The following PEX11B variants were observed in gnomAD, a reference collection of about 807,000 sequenced individuals.
PEX11B encodes peroxisomal biogenesis factor 11 beta, also known as peroxisomal membrane protein 11B.
PEX11B carries 18 observed loss-of-function variants against 28.2 expected under a neutral mutation model. That is an observed-to-expected ratio of 0.64 (90% CI 0.44 to 0.95). The LOEUF is 0.95. PEX11B is among the 40% of genes least tolerant of loss of function. The pLI is 0.00. For missense variants in PEX11B, 305 were observed against 319.8 expected (o/e 0.95, Z 0.35); for synonymous variants, 128 against 128.7 (o/e 0.99, Z 0.04).
chr1:145,918,364 G>C (rs587691055), intron 1 of PEX11B: 1 of 1,531,542 alleles, frequency 6.5e-7, no homozygotes. Context: ...TCACCGCCCA[G>C]TGAGGACACT....
intron 1 of PEX11B, chr1:145,918,329 C>G (rs1647529150): frequency 4.0e-6 from 6 of 1,508,924 alleles, no homozygotes; most frequent in Non-Finnish European, 5.3e-6. Context: ...GGCTATCCAC[C>G]GTGGGGCGAA....
rs1054011259 is a variant in PEX11B at position 145,918,480 on chromosome 1, C to A, written c.56+153G>T. 22 of 1,536,792 alleles carry A rather than the reference C, an allele frequency of 1.4e-5. No individual in the cohort carries two copies. The East Asian group carries it at 3.7e-4, about 26-fold the overall frequency. ...GAACGGAAAGGAATCATCTCAACAG[C>A]GGCTCAAATCTGCGCCTCACGGTCC... On this transcript the variant is annotated intron_variant, in intron 1 of 3. Coordinates refer to ENST00000369306, the MANE Select transcript of PEX11B (RefSeq NM_003846.3).
Position 145,918,642 on chromosome 1 carries a change from C to T in PEX11B, c.47G>A (p.Arg16Gln), listed in dbSNP as rs782790137. 8 of 1,595,926 alleles carry T rather than the reference C, an allele frequency of 5.0e-6. 2 individuals carry two copies. In the South Asian group the frequency reaches 9.1e-5, roughly 18 times the overall value. Reference sequence around the variant, plus strand: ...CCTATTCGGGCCGCACCTACACAGCCGCTCCCGGGCTTGGCTCTGAGCACT... The same window carrying T: ...CCTATTCGGGCCGCACCTACACAGCTGCTCCCGGGCTTGGCTCTGAGCACT... The part of the protein sequence containing the change: ...RFSAQSQARE[R>Q]LCRAAQYACS... The change falls in exon 1 of 4, where the codon CGG becomes CAG. Residue 16 changes from arginine (R) to glutamine (Q), a missense_variant. Transcript: ENST00000369306.
Position 145,918,616 on chromosome 1 carries a change from T to G in PEX11B, c.56+17A>C. ...CATCCCTCCCCCGCCCCACCCCCAT[T>G]CCTATTCGGGCCGCACCTACACAGC... is the stretch of plus-strand genomic sequence containing the variant. On this transcript the variant is annotated intron_variant, in intron 1 of 3. Coordinates refer to ENST00000369306, the MANE Select transcript of PEX11B (RefSeq NM_003846.3). 9.4e-7 allele frequency: 1 copy of G among 1,062,944 alleles called. No homozygotes were observed. The highest frequency in any genetic ancestry group is 1.4e-5 in the South Asian group (1 of 73,278). 65.8% of individuals were successfully genotyped at this position (1,062,944 alleles called of 1,614,324 possible).
rs868969615 is a variant in PEX11B at position 145,912,106 on chromosome 1, G to A, written c.*55C>T. The A allele has an allele frequency of 1.2e-5, 16 of 1,345,494 alleles. No individual in the cohort carries two copies. In the East Asian group the frequency reaches 2.3e-4, roughly 19 times the overall value. The allele number at this position is 1,345,494 out of a possible 1,614,324, so 83.3% of individuals were successfully genotyped here. ...CGAATGAGGCTGGCACATGGGGGAC[G>A]ATCTAAGATTCCATCTCACCAATTC... On this transcript the variant is annotated 3_prime_UTR_variant, in exon 4 of 4. Transcript: ENST00000369306.
In PEX11B at chr1:145,918,710, G is replaced by A. The variant is rs981859171; in HGVS notation, c.-22C>T. 1.9e-6 allele frequency: 3 copies of A among 1,556,670 alleles called. No individual in the cohort carries two copies. The highest frequency in any genetic ancestry group is 2.6e-6 in the Non-Finnish European group (3 of 1,150,744). ...CCATGACAGCCGCAGCCCAGGCTCC[G>A]CGGCCCTGCTCCCGCCCCACTTCCC... On this transcript the variant is annotated 5_prime_UTR_variant, in exon 1 of 4. Transcript: ENST00000369306.
In PEX11B at chr1:145,917,680, A is replaced by G. The variant is rs939838392; in HGVS notation, c.172+21T>C. The G allele has an allele frequency of 5.9e-6, 8 of 1,347,482 alleles. No homozygotes were observed. In the African/African-American group the frequency reaches 8.6e-5, roughly 14 times the overall value. The allele number at this position is 1,347,482 out of a possible 1,614,324, so 83.5% of individuals were successfully genotyped here. A position where few individuals can be genotyped will look rare whatever the true frequency, so the allele number is the denominator to read the frequency against. ...GATGGAGGAAAGGTTGGGGGATAAA[A>G]GGAAAGACAGAGTTACTTACGCTTT... On this transcript the variant is annotated intron_variant, in intron 2 of 3. Transcript: ENST00000369306.
chr1:145,915,006 C>T (rs1227993601), intron 3 of PEX11B, among the ~76,000 whole-genome samples: 1 of 152,098 alleles, frequency 6.6e-6, no homozygotes, highest in African/African-American at 2.4e-5. Context: ...CGGGTTCAAG[C>T]GATTCTCCTG....
At position 145,912,294 on chromosome 1, in the gene PEX11B, C is replaced by T; in HGVS notation, c.647G>A (p.Cys216Tyr). 1 of 1,614,134 alleles carries T rather than the reference C, an allele frequency of 6.2e-7. No homozygotes were observed. The highest frequency in any genetic ancestry group is 8.5e-7 in the Non-Finnish European group (1 of 1,180,038). The change falls in exon 4 of 4, where the codon TGT becomes TAT. Residue 216 changes from cysteine (C) to tyrosine (Y), a missense_variant. By Grantham distance (194) the Cys-to-Tyr change is radical (BLOSUM62 -2). Transcript: ENST00000369306. ...PLLLDVVRNA[C>Y]DLFIPLDKLG... is the part of the protein sequence containing the mutation. Reference sequence around the variant, plus strand: ...TTTGTCCAGAGGAATGAAGAGATCACAGGCATTTCTGACCACGTCTAGCAG... The same window carrying T: ...TTTGTCCAGAGGAATGAAGAGATCATAGGCATTTCTGACCACGTCTAGCAG...
intron 1 of PEX11B, chr1:145,918,177 T>G (rs1647519187): frequency 1.0e-6 from 1 of 985,278 alleles, no homozygotes; most frequent in Non-Finnish European, 1.2e-6. Flanking sequence ...TTCCTCAGAA[T>G]AGGTGAACTG....
At position 145,916,725 on chromosome 1, in the gene PEX11B, A is replaced by G. The variant is rs1647392494; in HGVS notation, c.374+92T>C. ...ACTGATCAAGACTTATATACTCTGG[A>G]AAGATCCTAAGATATCTTTCCCTCA... On this transcript the variant is annotated intron_variant, in intron 3 of 3. Coordinates refer to ENST00000369306, the MANE Select transcript of PEX11B (RefSeq NM_003846.3). The G allele has an allele frequency of 3.3e-6, 3 of 902,192 alleles. 1 individual carries two copies. Among genetic ancestry groups the G allele is most frequent in the Admixed American group, 3.8e-5 (2 of 53,118 alleles). 55.9% of individuals were successfully genotyped at this position (902,192 alleles called of 1,614,324 possible). A position where few individuals can be genotyped will look rare whatever the true frequency, so the allele number is the denominator to read the frequency against.
intron 3 of PEX11B, among the ~76,000 whole-genome samples, chr1:145,914,904 G>T (rs1278602403): frequency 6.6e-6 from 1 of 152,008 alleles, no homozygotes; most frequent in African/African-American, 2.4e-5. Flanking sequence ...GGCCTTGTTT[G>T]TCTTTTCTTT....
Position 145,917,819 on chromosome 1 carries a change from AG to A in PEX11B, c.57-4del. The A allele has an allele frequency of 6.2e-7, 1 of 1,600,456 alleles. No homozygotes were observed. Among genetic ancestry groups the A allele is most frequent in the South Asian group, 1.1e-5 (1 of 90,828 alleles). ...GAGAGCAAGCATACTGGGCGGCCCT[AG>A]AGGAGAGGGCAGGCAAGGTAAGGTG... On this transcript the variant is annotated splice_polypyrimidine_tract_variant and splice_region_variant and intron_variant, in intron 1 of 3. Coordinates refer to ENST00000369306, the MANE Select transcript of PEX11B (RefSeq NM_003846.3).
At chr1:145,914,443 T>G (rs1570933011) in intron 3 of PEX11B, among the ~76,000 whole-genome samples, 1 of 152,006 alleles carries the variant, frequency 6.6e-6, no homozygotes, top group Admixed American at 6.6e-5. Context: ...GTCACATTCA[T>G]AATAAAATAT....
At position 145,916,968 on chromosome 1, in the gene PEX11B, C is replaced by T. The variant is rs139514346; in HGVS notation, c.223G>A (p.Val75Ile). ...ADALESAKRA[V>I]HLSDVVLRFC... ...CTCAGGACAACATCTGATAGGTGAA[C>T]AGCTCTTTTGGCTGACTCAAGGGCA... is the stretch of plus-strand genomic sequence containing the variant. Residue 75 changes from valine (V) to isoleucine (I), a missense_variant, in exon 3 of 4, where the codon GTT becomes ATT. Transcript: ENST00000369306. 1.2e-5 allele frequency: 19 copies of T among 1,613,888 alleles called. No homozygotes were observed. In the African/African-American group the frequency reaches 2.3e-4, roughly 19 times the overall value.
At chr1:145,918,597 T>G in intron 1 of PEX11B, 36 bp downstream of exon 1, 433 of 840,386 alleles carry the variant, frequency 5.2e-4, no homozygotes, top group Middle Eastern at 7.5e-4. Context: ...TGTCCATCCC[T>G]CCCCCGCCCC....
chr1:145,915,752 G>A (rs1299419281), intron 3 of PEX11B, among the ~76,000 whole-genome samples: 1 of 151,142 alleles, frequency 6.6e-6, no homozygotes, highest in Non-Finnish European at 1.5e-5. Context: ...TCCTGCCTCA[G>A]CCTCCCGAGT....
In PEX11B at chr1:145,912,102, G is replaced by A; in HGVS notation, c.*59C>T. On this transcript the variant is annotated 3_prime_UTR_variant, in exon 4 of 4. Coordinates refer to ENST00000369306, the MANE Select transcript of PEX11B (RefSeq NM_003846.3). ...AATTCGAATGAGGCTGGCACATGGG[G>A]GACGATCTAAGATTCCATCTCACCA... 7.5e-7 allele frequency: 1 copy of A among 1,331,892 alleles called. No individual in the cohort carries two copies. Among genetic ancestry groups the A allele is most frequent in the Non-Finnish European group, 1.0e-6 (1 of 989,392 alleles). The allele number at this position is 1,331,892 out of a possible 1,614,324, so 82.5% of individuals were successfully genotyped here. A position where few individuals can be genotyped will look rare whatever the true frequency, so the allele number is the denominator to read the frequency against.
chr1:145,917,762 G>A lies in PEX11B; in HGVS notation c.111C>T (p.Ala37=), dbSNP rs782364628. ...LLGHALQRHG[A]SPELQKQIRQ... ...GAATCTGTTTCTGTAACTCAGGACTGGCTCCATGCCTCTGCAGCGCATGGC... is the reference window on the plus strand; with the variant it reads ...GAATCTGTTTCTGTAACTCAGGACTAGCTCCATGCCTCTGCAGCGCATGGC... Residue 37 remains alanine (A), a synonymous_variant, in exon 2 of 4, where the codon GCC becomes GCT. Coordinates refer to ENST00000369306, the MANE Select transcript of PEX11B (RefSeq NM_003846.3). 3 of 1,613,794 alleles carry A rather than the reference G, an allele frequency of 1.9e-6. No homozygotes were observed. The highest frequency in any genetic ancestry group is 2.2e-5 in the East Asian group (1 of 44,874).
Sources: gnomAD v4.1 joint callset for allele counts (sites outside exome capture counted in the v4.1 genomes callset) on GRCh38, gnomAD v4.1.1 for gene constraint, MANE v1.5 for transcripts, NCBI Gene and HGNC (gene_info 2026-07-23, HGNC 2026-07-21) for gene names.